Variants in GLIS3 observed in about 807,000 individuals in gnomAD.
GLIS3 encodes the protein GLIS family zinc finger 3.
Under a neutral mutation model 78.6 loss-of-function variants are expected in GLIS3, and 53 were observed. The ratio of observed to expected loss-of-function variants is 0.67; its 90% CI spans 0.54 to 0.85. The LOEUF (loss-of-function observed/expected upper bound fraction) is 0.85. GLIS3 is among the 40% of genes least tolerant of loss of function. The pLI, the probability that GLIS3 is intolerant of heterozygous loss-of-function variation, is 0.00. For missense variants in GLIS3, 1,703 were observed against 1,231.1 expected, an observed-to-expected ratio of 1.38 and a Z score of -5.74; for synonymous variants, 684 against 509.9, an observed-to-expected ratio of 1.34 and a Z score of -4.60.
At chr9:4,157,936 A>C (rs1173798606) in intron 2 of GLIS3, among the ~76,000 whole-genome samples, 1 of 152,236 alleles carries the variant, frequency 6.6e-6, no homozygotes, top group Non-Finnish European at 1.5e-5. Flanking sequence ...TTTCAGTAAA[A>C]ATATGATTGT....
chr9:4,288,265 T>G (rs1384232710), intron 1 of GLIS3, among the ~76,000 whole-genome samples: 1 of 152,204 alleles, frequency 6.6e-6, no homozygotes, highest in Admixed American at 6.5e-5. Flanking sequence ...ATTGATAAAA[T>G]AGTGTTTTCT....
chr9:4,364,471 G>A, the GLIS3 span, among the ~76,000 whole-genome samples: 8 of 152,230 alleles, frequency 5.3e-5, no homozygotes, highest in African/African-American at 1.7e-4. Flanking sequence ...TAAAGGAATT[G>A]TATGCTACCA....
intron 2 of GLIS3, among the ~76,000 whole-genome samples, chr9:4,159,816 CA>C (rs1184753187): frequency 6.6e-6 from 1 of 152,122 alleles, no homozygotes; most frequent in Non-Finnish European, 1.5e-5. Flanking sequence ...TTGTGACCAA[CA>C]ATGAAATACA....
At chr9:4,218,111 C>T (rs1821012587) in intron 2 of GLIS3, among the ~76,000 whole-genome samples, 1 of 152,218 alleles carries the variant, frequency 6.6e-6, no homozygotes, top group South Asian at 2.1e-4. Context: ...TATCCATCTA[C>T]CCAGTTGCTG....
intron 3 of GLIS3, among the ~76,000 whole-genome samples, chr9:4,123,535 T>A (rs1466877144): frequency 6.6e-6 from 1 of 152,154 alleles, no homozygotes; most frequent in Non-Finnish European, 1.5e-5. Context: ...AAAAGACTAA[T>A]TTTTAAAATT....
chr9:4,475,677 C>T, the GLIS3 span, among the ~76,000 whole-genome samples: 1 of 152,084 alleles, frequency 6.6e-6, no homozygotes, highest in African/African-American at 2.4e-5. Flanking sequence ...AGAATATATT[C>T]TTCAATGAAA....
chr9:3,882,785 T>C (rs139402965), intron 7 of GLIS3, among the ~76,000 whole-genome samples: 11 of 152,288 alleles, frequency 7.2e-5, no homozygotes, highest in Middle Eastern at 3.4e-3. Flanking sequence ...AAAAACTGGA[T>C]TTGGAAAATG....
chr9:4,333,073 C>G (rs1817708511), intron 2 of GLIS3, among the ~76,000 whole-genome samples: 1 of 152,206 alleles, frequency 6.6e-6, no homozygotes, highest in South Asian at 2.1e-4. Context: ...GGTATTATCA[C>G]TCCAGTTTCA....
At chr9:4,399,018 C>T in the GLIS3 span, among the ~76,000 whole-genome samples, 10 of 152,274 alleles carry the variant, frequency 6.6e-5, no homozygotes, top group Admixed American at 3.9e-4. Flanking sequence ...TTGTTTTCTG[C>T]TCTGCTTTCA....
intron 2 of GLIS3, among the ~76,000 whole-genome samples, chr9:4,176,389 T>C (rs1369038702): frequency 1.3e-5 from 2 of 152,232 alleles, no homozygotes; most frequent in Non-Finnish European, 2.9e-5. Flanking sequence ...ATTCAGCTTA[T>C]ATTTTATAGG....
intron 4 of GLIS3, among the ~76,000 whole-genome samples, chr9:4,014,112 T>C (rs1300670656): frequency 6.6e-6 from 1 of 152,194 alleles, no homozygotes; most frequent in Non-Finnish European, 1.5e-5. Context: ...ACATTTTCTC[T>C]CAGCCAGTAA....
At chr9:4,297,023 T>C (rs1029156226) in intron 1 of GLIS3, among the ~76,000 whole-genome samples, 1 of 151,616 alleles carries the variant, frequency 6.6e-6, no homozygotes, top group African/African-American at 2.4e-5. Context: ...CCTTTACAGG[T>C]TGCACCTGCT....
At chr9:4,242,690 G>A (rs1001334660) in intron 2 of GLIS3, among the ~76,000 whole-genome samples, 2 of 152,096 alleles carry the variant, frequency 1.3e-5, no homozygotes, top group Admixed American at 6.6e-5. Flanking sequence ...TGGCCACTGG[G>A]CACTTGAAAT....
chr9:4,345,102 G>C (rs539973188), intron 2 of GLIS3, among the ~76,000 whole-genome samples: 1 of 152,056 alleles, frequency 6.6e-6, no homozygotes, highest in Non-Finnish European at 1.5e-5. Flanking sequence ...TCAAGTCTCC[G>C]CAAGTTTCCC....
intron 10 of GLIS3, 117 bp downstream of exon 10, chr9:3,829,193 A>G (rs1817896931): frequency 1.2e-6 from 1 of 856,768 alleles, no homozygotes; most frequent in Non-Finnish European, 2.0e-6. Context: ...GGGTCGTTCA[A>G]CAGGATTTGA....
intron 4 of GLIS3, among the ~76,000 whole-genome samples, chr9:4,004,529 A>T (rs570682984): frequency 1.3e-5 from 2 of 152,224 alleles, no homozygotes; most frequent in Non-Finnish European, 2.9e-5. Flanking sequence ...AATCACCTCA[A>T]ACAGTTGGCA....
chr9:4,198,325 T>C (rs925790068), intron 2 of GLIS3, among the ~76,000 whole-genome samples: 3 of 152,148 alleles, frequency 2.0e-5, no homozygotes, highest in Middle Eastern at 3.2e-3. Context: ...TTAATCTAAT[T>C]CTAAAAATTG....
intron 2 of GLIS3, among the ~76,000 whole-genome samples, chr9:4,334,437 T>C (rs1817725028): frequency 6.6e-6 from 1 of 152,200 alleles, no homozygotes; most frequent in Non-Finnish European, 1.5e-5. Context: ...GTGCCCTCTG[T>C]CCCCTCCACC....
intron 4 of GLIS3, among the ~76,000 whole-genome samples, chr9:4,021,857 C>T (rs939087832): frequency 2.0e-5 from 3 of 152,122 alleles, no homozygotes; most frequent in East Asian, 1.9e-4. Flanking sequence ...TTCAGTTTAT[C>T]GGGCACAACA....
Sources: allele counts gnomAD v4.1 joint callset (sites outside exome capture counted in the v4.1 genomes callset), GRCh38; gene constraint gnomAD v4.1.1; transcripts MANE v1.5; gene names NCBI Gene and HGNC (gene_info 2026-07-23, HGNC 2026-07-21).